Variants in ASCC2 observed in about 807,000 individuals in gnomAD.
The protein encoded by ASCC2 is ASC-1 complex subunit P100.
ASCC2 carries 42 observed loss-of-function variants against 93.5 expected under a neutral mutation model. The observed-to-expected ratio is 0.45, with a 90% CI of 0.35 to 0.58. ASCC2 has a LOEUF of 0.58. ASCC2 is among the 20% of genes least tolerant of loss of function. ASCC2 has a pLI of 0.00. For missense variants in ASCC2, 859 were observed against 977.6 expected (o/e 0.88, Z 1.62); for synonymous variants, 364 against 384.2 (o/e 0.95, Z 0.62).
At chr22:29,813,132 C>CGGCCTCCCAAAGTGCTA in intron 8 of ASCC2, among the ~76,000 whole-genome samples, 1 of 152,236 alleles carries the variant, frequency 6.6e-6, no homozygotes, top group East Asian at 1.9e-4. Flanking sequence ...CCACCCGCCT[C>CGGCCTCCCAAAGTGCTA]GGCCTCCCAA....
At chr22:29,796,494 T>C (rs9620923) in intron 15 of ASCC2, among the ~76,000 whole-genome samples, 2,860 of 152,162 alleles carry the variant, frequency 0.019, 44 homozygotes, top group Middle Eastern at 0.037. Flanking sequence ...TGGCTGGGCA[T>C]CTGTAGGAAG....
At chr22:29,827,150 T>C (rs566498260) in intron 2 of ASCC2, among the ~76,000 whole-genome samples, 67 of 150,908 alleles carry the variant, frequency 4.4e-4, no homozygotes, top group Middle Eastern at 3.5e-3. Context: ...TGTCTGGGTC[T>C]GTTCTTTCCT....
At chr22:29,811,495 T>C (rs917115109) in intron 8 of ASCC2, among the ~76,000 whole-genome samples, 5 of 152,180 alleles carry the variant, frequency 3.3e-5, no homozygotes, top group African/African-American at 9.6e-5. Context: ...AAAGGTTATT[T>C]TGAGAGGGAT....
Position 29,815,991 on chromosome 22 carries a change from G to A in ASCC2, c.609+15C>T, listed in dbSNP as rs1255210999. ...CCAAGCTCAACCTCCCCTGCGCAGG[G>A]CCAAGAGCTGGTACCTGAAGGATGG... On this transcript the variant is annotated intron_variant, in intron 6 of 19. Coordinates refer to ENST00000307790, the MANE Select transcript of ASCC2 (RefSeq NM_032204.5). 18 of 1,576,004 alleles carry A rather than the reference G, an allele frequency of 1.1e-5. No homozygotes were observed. Among genetic ancestry groups the A allele is most frequent in the Non-Finnish European group, 1.5e-5 (17 of 1,158,042 alleles).
intron 4 of ASCC2, among the ~76,000 whole-genome samples, chr22:29,824,343 A>G (rs1217857493): frequency 6.6e-6 from 1 of 151,762 alleles, no homozygotes; most frequent in East Asian, 1.9e-4. Flanking sequence ...GGTTGGGTGT[A>G]GTGGCTCATG....
At chr22:29,824,290 A>ACT (rs1223477436) in intron 4 of ASCC2, among the ~76,000 whole-genome samples, 4 of 147,458 alleles carry the variant, frequency 2.7e-5, no homozygotes, top group African/African-American at 1.0e-4. Context: ...ACACACACAC[A>ACT]CTCAAAGGGA....
Position 29,825,443 on chromosome 22 carries a change from G to C in ASCC2, c.240+179C>G. On this transcript the variant is annotated intron_variant, in intron 3 of 19. Transcript: ENST00000307790. This position sits in a 1 kb window ranked among gnomAD's most constrained non-coding sequence, Gnocchi z 4.9. ...GATTCTAAAATTGACACTTTGAAAGGTGTGTAAACATTAAGATTGTGATAC... is the reference window on the plus strand; with the variant it reads ...GATTCTAAAATTGACACTTTGAAAGCTGTGTAAACATTAAGATTGTGATAC... 1 of 1,126,320 alleles carries C rather than the reference G, an allele frequency of 8.9e-7. No individual in the cohort carries two copies. The highest frequency in any genetic ancestry group is 1.3e-6 in the Non-Finnish European group (1 of 789,150). 69.8% of individuals were successfully genotyped at this position (1,126,320 alleles called of 1,614,324 possible).
At chr22:29,837,973 G>C (rs1175370843) in intron 1 of ASCC2, among the ~76,000 whole-genome samples, 1 of 152,206 alleles carries the variant, frequency 6.6e-6, no homozygotes, top group Admixed American at 6.5e-5. Context: ...CTGGTCCAAC[G>C]CCACTCTGGG....
intron 17 of ASCC2, 133 bp downstream of exon 17, chr22:29,793,227 G>A (rs911318907): frequency 2.4e-6 from 3 of 1,262,514 alleles, no homozygotes; most frequent in African/African-American, 3.0e-5. Context: ...GGGTGGAGGA[G>A]CACTGGATTA....
At chr22:29,789,331 T>C (rs2068586405) in intron 19 of ASCC2, 147 bp from the exon 20 acceptor site, 1 of 1,010,496 alleles carries the variant, frequency 9.9e-7, no homozygotes, top group Non-Finnish European at 1.5e-6. Flanking sequence ...GAAGGAGAGA[T>C]GGAGCCCAGC....
At chr22:29,818,702 AGT>A (rs1491510243) in intron 5 of ASCC2, among the ~76,000 whole-genome samples, 1 of 152,132 alleles carries the variant, frequency 6.6e-6, no homozygotes, top group African/African-American at 2.4e-5. Context: ...GAGCCCAGGC[AGT>A]AAGTGAGTAG....
intron 13 of ASCC2, among the ~76,000 whole-genome samples, chr22:29,803,860 T>C (rs933472292): frequency 1.8e-4 from 27 of 152,234 alleles, no homozygotes; most frequent in Non-Finnish European, 3.5e-4. Context: ...GAGGAAGGAC[T>C]GTGGCATTTG....
intron 1 of ASCC2, among the ~76,000 whole-genome samples, chr22:29,835,928 G>A (rs1378604368): frequency 6.6e-6 from 1 of 152,134 alleles, no homozygotes; most frequent in African/African-American, 2.4e-5. Context: ...TCTATAACCT[G>A]GATGTTGAAG....
chr22:29,803,031 G>A (rs1057152858), intron 13 of ASCC2, among the ~76,000 whole-genome samples: 1 of 152,064 alleles, frequency 6.6e-6, no homozygotes, highest in Non-Finnish European at 1.5e-5. Flanking sequence ...TGGATCATCT[G>A]AGGTCAGGAG....
chr22:29,826,797 A>G (rs1345809220), intron 2 of ASCC2, among the ~76,000 whole-genome samples: 3 of 151,998 alleles, frequency 2.0e-5, no homozygotes, highest in African/African-American at 7.2e-5. Flanking sequence ...AGGCATTTAC[A>G]TTAAATTATA....
intron 13 of ASCC2, among the ~76,000 whole-genome samples, chr22:29,803,687 A>G (rs1278201412): frequency 6.6e-6 from 1 of 152,230 alleles, no homozygotes; most frequent in East Asian, 1.9e-4. Context: ...ATATTGCTCA[A>G]TGTGACTTAA....
intron 5 of ASCC2, 41 bp from the exon 6 acceptor site, chr22:29,816,114 G>A: frequency 6.7e-7 from 1 of 1,495,118 alleles, no homozygotes; most frequent in Non-Finnish European, 9.2e-7. Flanking sequence ...GAAAAGGTGG[G>A]GGCTCGGGGC....
At chr22:29,808,285 T>C (rs998414792) in intron 8 of ASCC2, 100 bp from the exon 9 acceptor site, 3 of 1,231,212 alleles carry the variant, frequency 2.4e-6, no homozygotes, top group Non-Finnish European at 3.5e-6. Context: ...GGCCCATTTC[T>C]TTTTCCACAC....
At chr22:29,834,846 A>G (rs1449086552) in intron 1 of ASCC2, among the ~76,000 whole-genome samples, 1 of 152,146 alleles carries the variant, frequency 6.6e-6, no homozygotes, top group African/African-American at 2.4e-5. Context: ...AAAAATAATA[A>G]TAATAATTTT....
Sources: allele counts gnomAD v4.1 joint callset (sites outside exome capture counted in the v4.1 genomes callset), GRCh38; gene constraint gnomAD v4.1.1; non-coding constraint Gnocchi (gnomAD v3.1); transcripts MANE v1.5; gene names NCBI Gene and HGNC (gene_info 2026-07-23, HGNC 2026-07-21).